Variants in CSRP3 observed in about 807,000 individuals in gnomAD.
CSRP3 encodes cysteine and glycine-rich protein 3.
In CSRP3, 24 loss-of-function variants were observed where a neutral mutation model predicts 24.3. That is an observed-to-expected ratio of 0.99 (90% CI 0.71 to 1.39). The LOEUF is 1.39. Among genes scored for constraint, CSRP3 ranks in the 40% most tolerant of loss-of-function variants. The pLI, the probability that CSRP3 is intolerant of heterozygous loss-of-function variation, is 0.00. For synonymous variants in CSRP3, 105 were observed against 94.0 expected (o/e 1.12, Z -0.68); for missense variants, 240 against 249.0 (o/e 0.96, Z 0.24).
chr11:19,191,362 G>A (rs765816849), intron 2 of CSRP3, among the ~76,000 whole-genome samples: 4 of 152,152 alleles, frequency 2.6e-5, no homozygotes, highest in Non-Finnish European at 5.9e-5. Flanking sequence ...TGCAGCTACC[G>A]GGCTGAAGCA....
At chr11:19,191,040 A>G (rs1850605175) in intron 2 of CSRP3, among the ~76,000 whole-genome samples, 1 of 152,236 alleles carries the variant, frequency 6.6e-6, no homozygotes, top group South Asian at 2.1e-4. Context: ...AAAGGAGAAT[A>G]CAGGCCTAGA....
chr11:19,196,035 C>T (rs1449662949), intron 1 of CSRP3, among the ~76,000 whole-genome samples: 9 of 152,044 alleles, frequency 5.9e-5, no homozygotes, highest in African/African-American at 1.9e-4. Flanking sequence ...GAGGCCGAGG[C>T]GAATGGATCA....
Position 19,188,201 on chromosome 11 carries a change from C to A in CSRP3, c.216G>T (p.Gly72=), listed in dbSNP as rs751348376. The change falls in exon 3 of 6, where the codon GGG becomes GGT. Residue 72 remains glycine, a synonymous_variant. Transcript: ENST00000265968. ...TGAGACAGCCAGCGCCTTGTCCATA[C>A]CCGATCCCTTTGGGGCCATATCTGC... ...YGRRYGPKGI[G]YGQGAGCLST... 2 of 1,613,910 alleles carry A rather than the reference C, an allele frequency of 1.2e-6. No homozygotes were observed. Among genetic ancestry groups the A allele is most frequent in the Non-Finnish European group, 1.7e-6 (2 of 1,180,030 alleles).
chr11:19,184,893 C>T lies in CSRP3; in HGVS notation c.508+59G>A, dbSNP rs1850499389. The T allele has an allele frequency of 3.1e-6, 4 of 1,281,310 alleles. No homozygotes were observed. In the Admixed American group the frequency reaches 5.1e-5, roughly 16 times the overall value. The allele number at this position is 1,281,310 out of a possible 1,614,324, so 79.4% of individuals were successfully genotyped here. A position where few individuals can be genotyped will look rare whatever the true frequency, so the allele number is the denominator to read the frequency against. ...GACCTCCAGGCATGAACGTAATTTC[C>T]TCTCCCAAGGGCCCTTTTAGGGAAA... On this transcript the variant is annotated intron_variant, in intron 5 of 5. Transcript: ENST00000265968.
rs548846008 is a variant in CSRP3, at chr11:19,187,418, G to C, written c.281+718C>G. Among the ~76,000 whole-genome samples, 9 of 152,328 alleles carry C rather than the reference G, an allele frequency of 5.9e-5. No homozygotes were observed. In the South Asian group the frequency reaches 1.9e-3, roughly 32 times the overall value. ...GGCCTTTCTGGCCAGTCGCAGTGCA[G>C]AGCTCAGCCTGGAGGCCAGCTGGCC... is the stretch of plus-strand genomic sequence containing the variant. On this transcript the variant is annotated intron_variant, in intron 3 of 5. Transcript: ENST00000265968.
chr11:19,185,128 C>T, intron 4 of CSRP3, 83 bp from the exon 5 acceptor site: 1 of 1,018,574 alleles, frequency 9.8e-7, no homozygotes. Context: ...CAGCAGCATC[C>T]AGAGGAGTGA....
chr11:19,184,885 G>A (rs1391985876), intron 5 of CSRP3, 67 bp downstream of exon 5: 11 of 1,195,802 alleles, frequency 9.2e-6, no homozygotes, highest in African/African-American at 4.5e-5. Flanking sequence ...AGGCATGAAC[G>A]TAATTTCCTC....
At chr11:19,200,950 C>A (rs867985283) in intron 1 of CSRP3, among the ~76,000 whole-genome samples, 1 of 152,134 alleles carries the variant, frequency 6.6e-6, no homozygotes, top group East Asian at 1.9e-4. Flanking sequence ...TACATTGAAT[C>A]GTATTGCAGA....
chr11:19,201,043 A>T (rs1419913524), intron 1 of CSRP3, among the ~76,000 whole-genome samples: 1 of 152,192 alleles, frequency 6.6e-6, no homozygotes. Context: ...CAGAAATTAG[A>T]GTCGGCAGCT....
chr11:19,192,226 GTCCCA>G, intron 2 of CSRP3, 106 bp downstream of exon 2: 3 of 778,546 alleles, frequency 3.9e-6, no homozygotes, highest in Non-Finnish European at 6.8e-6. Flanking sequence ...GATGCTGCTT[GTCCCA>G]GGACCACACT....
At position 19,192,367 on chromosome 11, in the gene CSRP3, T is replaced by C; in HGVS notation, c.82A>G (p.Arg28Gly). 1 of 1,614,230 alleles carries C rather than the reference T, an allele frequency of 6.2e-7. No individual in the cohort carries two copies. The highest frequency in any genetic ancestry group is 1.1e-5 in the South Asian group (1 of 91,088). ...TGGAAACACGTCTTGTGGAAACTCC[T>C]TCCATTGCACTGGATTTCTTCTGCA... ...YHAEEIQCNGRSFHKTCFHCM... is the reference protein window; with the variant it reads ...YHAEEIQCNGGSFHKTCFHCM... The change falls in exon 2 of 6, where the codon AGG (arginine) becomes GGG (glycine). Residue 28 changes from arginine (R) to glycine (G), a missense_variant. Transcript: ENST00000265968.
At chr11:19,195,460 G>C (rs1258601273) in intron 1 of CSRP3, among the ~76,000 whole-genome samples, 1 of 152,136 alleles carries the variant, frequency 6.6e-6, no homozygotes, top group Non-Finnish European at 1.5e-5. Context: ...TTTTGCTCAT[G>C]TTCATTTTGA....
intron 4 of CSRP3, among the ~76,000 whole-genome samples, chr11:19,185,380 G>A (rs2133507340): frequency 6.6e-6 from 1 of 152,340 alleles, no homozygotes; most frequent in South Asian, 2.1e-4. Flanking sequence ...TGATGTTTAT[G>A]TTGAGTATAA....
chr11:19,188,363 A>G, intron 2 of CSRP3, 59 bp from the exon 3 acceptor site: 1 of 1,582,692 alleles, frequency 6.3e-7, no homozygotes, highest in Non-Finnish European at 8.6e-7. Flanking sequence ...CCTTCTTTGC[A>G]CTCCCAATGC....
intron 1 of CSRP3, among the ~76,000 whole-genome samples, chr11:19,200,820 C>T (rs2133529378): frequency 6.6e-6 from 1 of 152,306 alleles, no homozygotes; most frequent in South Asian, 2.1e-4. Flanking sequence ...AAACTGAGGA[C>T]ACAGGCCATC....
Position 19,197,563 on chromosome 11 carries a change from C to CTT in CSRP3, c.-29+4389_-29+4390dup, listed in dbSNP as rs764236226. On this transcript the variant is annotated intron_variant, in intron 1 of 5. Transcript: ENST00000265968. ...TCTTTCTTTCTTTCTTTCTTTCTTTCTTTCTTTCTTTCTTCTTTCACTACC... is the reference window on the plus strand; with the variant it reads ...TCTTTCTTTCTTTCTTTCTTTCTTTCTTTTTCTTTCTTTCTTCTTTCACTACC... Among the ~76,000 whole-genome samples, 930 of 124,888 alleles carry CTT rather than the reference C, an allele frequency of 7.4e-3. 9 individuals are homozygous for CTT. The highest frequency in any genetic ancestry group is 0.021 in the South Asian group (76 of 3,704). 81.9% of individuals were successfully genotyped at this position (124,888 alleles called of 152,430 possible). A position where few individuals can be genotyped will look rare whatever the true frequency, so the allele number is the denominator to read the frequency against.
At chr11:19,193,363 C>T (rs1850646007) in intron 1 of CSRP3, among the ~76,000 whole-genome samples, 1 of 152,202 alleles carries the variant, frequency 6.6e-6, no homozygotes, top group Admixed American at 6.5e-5. Context: ...CAGTGCTCAA[C>T]AGGAGCCAGA....
At chr11:19,186,639 G>C (rs1394596236) in intron 3 of CSRP3, among the ~76,000 whole-genome samples, 1 of 152,240 alleles carries the variant, frequency 6.6e-6, no homozygotes, top group East Asian at 1.9e-4. Context: ...AAATGTTCTA[G>C]TTATGTTAGC....
intron 2 of CSRP3, among the ~76,000 whole-genome samples, chr11:19,188,992 G>A (rs1850576095): frequency 6.6e-6 from 1 of 151,848 alleles, no homozygotes; most frequent in African/African-American, 2.4e-5. Flanking sequence ...GATTTATTTT[G>A]CAAATTTAAA....
Sources: gnomAD v4.1 joint callset for allele counts (sites outside exome capture counted in the v4.1 genomes callset) on GRCh38, gnomAD v4.1.1 for gene constraint, MANE v1.5 for transcripts, NCBI Gene and HGNC (gene_info 2026-07-23, HGNC 2026-07-21) for gene names.